ABLIM2: variants seen among roughly 807,000 people sequenced by gnomAD.
ABLIM2 encodes the protein actin-binding LIM protein 2.
In ABLIM2, 53 loss-of-function variants were observed where a neutral mutation model predicts 97.7. The ratio of observed to expected loss-of-function variants is 0.54; its 90% confidence interval spans 0.44 to 0.68. The LOEUF is 0.68. ABLIM2 is among the 30% of genes least tolerant of loss of function. ABLIM2 has a pLI of 0.00. For synonymous variants in ABLIM2, 361 were observed against 345.8 expected (o/e 1.04, Z -0.49); for missense variants, 835 against 867.2 (o/e 0.96, Z 0.47).
Position 8,046,978 on chromosome 4 carries a change from G to A in ABLIM2, c.823-1737C>T, listed in dbSNP as rs953322622. ...GGGAAGGTGGGTTTCTGCTGTGCAG[G>A]CCACCCAGGCCGGGTGCCTTTATCG... is the stretch of plus-strand genomic sequence containing the variant. On this transcript the variant is annotated intron_variant, in intron 8 of 20. Transcript: ENST00000447017. This position sits in a 1 kb window ranked among gnomAD's most constrained non-coding sequence, Gnocchi z 4.4. 6.6e-6 allele frequency among the ~76,000 whole-genome samples: 1 copy of A among 152,192 alleles called. No homozygotes were observed. Among genetic ancestry groups the A allele is most frequent in the Non-Finnish European group, 1.5e-5 (1 of 68,030 alleles).
At chr4:8,101,111 C>T (rs573429920) in intron 2 of ABLIM2, among the ~76,000 whole-genome samples, 20 of 152,326 alleles carry the variant, frequency 1.3e-4, no homozygotes, top group East Asian at 7.7e-4. Context: ...GAGTGGAAGA[C>T]GGAGATGCCA....
At chr4:7,978,226 G>A (rs765594702) in intron 20 of ABLIM2, among the ~76,000 whole-genome samples, 4 of 152,116 alleles carry the variant, frequency 2.6e-5, no homozygotes, top group South Asian at 2.1e-4. Flanking sequence ...ACAGGCAGCC[G>A]CTGCTGAGAA....
chr4:7,989,423 T>C lies in ABLIM2; in HGVS notation c.1680+3443A>G, dbSNP rs1034390799. The C allele has an allele frequency of 5.1e-6, 5 of 985,296 alleles. No homozygotes were observed. The African/African-American group carries it at 7.0e-5, about 14-fold the overall frequency. 61.0% of individuals were successfully genotyped at this position (985,296 alleles called of 1,614,324 possible). A position where few individuals can be genotyped will look rare whatever the true frequency, so the allele number is the denominator to read the frequency against. On this transcript the variant is annotated intron_variant, in intron 17 of 20. Transcript: ENST00000447017. ...AGAGTCATATTCAAATCACCCACCATACTTGTATTTAATCAAGGTGTCTGG... is the reference window on the plus strand; with the variant it reads ...AGAGTCATATTCAAATCACCCACCACACTTGTATTTAATCAAGGTGTCTGG...
rs375593203 is a variant in ABLIM2 at position 8,125,123 on chromosome 4, G to A, written c.11-18486C>T. 1.7e-4 allele frequency among the ~76,000 whole-genome samples: 26 copies of A among 152,164 alleles called. No individual in the cohort carries two copies. Among genetic ancestry groups the A allele is most frequent in the Admixed American group, 3.9e-4 (6 of 15,284 alleles). ...TTCGTATATTCGAGATACAAGTCCC[G>A]TGTCAGCTTGCTAATTTGCAAATAT... On this transcript the variant is annotated intron_variant, in intron 1 of 20. Transcript: ENST00000447017. The surrounding 1 kb of genome is among the most constrained non-coding windows in gnomAD (Gnocchi z 6.2).
intron 1 of ABLIM2, among the ~76,000 whole-genome samples, chr4:8,152,012 G>T (rs2152959042): frequency 6.6e-6 from 1 of 152,272 alleles, no homozygotes; most frequent in African/African-American, 2.4e-5. Flanking sequence ...GCGGGTTTGG[G>T]TCTTGTCCTG....
intron 2 of ABLIM2, among the ~76,000 whole-genome samples, chr4:8,099,357 A>G (rs1032895094): frequency 2.0e-5 from 3 of 152,106 alleles, no homozygotes; most frequent in African/African-American, 4.8e-5. Flanking sequence ...TATTCTTCTT[A>G]AAGACGTGAC....
intron 15 of ABLIM2, 93 bp downstream of exon 15, chr4:8,008,957 G>T: frequency 6.9e-7 from 1 of 1,449,002 alleles, no homozygotes. Flanking sequence ...GAATGTAAGA[G>T]GAAGATTCGA....
chr4:8,047,130 C>T (rs1476957804), intron 8 of ABLIM2, among the ~76,000 whole-genome samples: 5 of 152,198 alleles, frequency 3.3e-5, no homozygotes, highest in East Asian at 3.9e-4. Flanking sequence ...TGTGGGGCCA[C>T]GTGCAGCAGC....
chr4:8,116,677 C>T (rs1378374109), intron 1 of ABLIM2, among the ~76,000 whole-genome samples: 1 of 152,180 alleles, frequency 6.6e-6, no homozygotes. Context: ...GCCTTTGTTA[C>T]TGAATAGTTC....
intron 1 of ABLIM2, among the ~76,000 whole-genome samples, chr4:8,133,789 T>G (rs1849773670): frequency 6.6e-6 from 1 of 152,128 alleles, no homozygotes; most frequent in Non-Finnish European, 1.5e-5. Context: ...CCCTGAGGTG[T>G]CAACAGGGAG....
Position 8,149,311 on chromosome 4 carries a change from G to T in ABLIM2, c.10+9369C>A, listed in dbSNP as rs79811298. Among the ~76,000 whole-genome samples the T allele has an allele frequency of 6.6e-6, 1 of 152,142 alleles. No individual in the cohort carries two copies. Among genetic ancestry groups the T allele is most frequent in the Non-Finnish European group, 1.5e-5 (1 of 68,028 alleles). ...GTCGCATATGAACAGTCATTTTGCC[G>T]CATGAGGTCACATAGTCACAGGGCC... On this transcript the variant is annotated intron_variant, in intron 1 of 20. Coordinates refer to ENST00000447017, the MANE Select transcript of ABLIM2 (RefSeq NM_001130083.2). This position sits in a 1 kb window ranked among gnomAD's most constrained non-coding sequence, Gnocchi z 6.4.
chr4:8,073,915 T>C (rs1401289371), intron 6 of ABLIM2, among the ~76,000 whole-genome samples: 2 of 151,520 alleles, frequency 1.3e-5, no homozygotes, highest in African/African-American at 4.9e-5. Flanking sequence ...GGTGACATTC[T>C]ATCTCTACCA....
Position 8,120,060 on chromosome 4 carries a change from G to A in ABLIM2, c.11-13423C>T, listed in dbSNP as rs1178427376. 4.6e-5 allele frequency among the ~76,000 whole-genome samples: 7 copies of A among 152,156 alleles called. No homozygotes were observed. Among genetic ancestry groups the A allele is most frequent in the South Asian group, 2.1e-4 (1 of 4,822 alleles). ...CACAAATAGGCTCTGTTCACAGAGC[G>A]ACAGGCACAGACGTCGGGCGGCAGG... is the stretch of plus-strand genomic sequence containing the variant. On this transcript the variant is annotated intron_variant, in intron 1 of 20. Transcript: ENST00000447017. The surrounding 1 kb of genome is among the most constrained non-coding windows in gnomAD (Gnocchi z 5.6).
Position 8,071,214 on chromosome 4 carries a change from C to T in ABLIM2, c.675+6414G>A, listed in dbSNP as rs528785045. ...TGGCTCTGCCACAGTTGCTGCCAGG[C>T]GCCACCCACCTCTGCTGCCCCAGCC... On this transcript the variant is annotated intron_variant, in intron 6 of 20. Coordinates refer to ENST00000447017, the MANE Select transcript of ABLIM2 (RefSeq NM_001130083.2). The surrounding 1 kb of genome is among the most constrained non-coding windows in gnomAD (Gnocchi z 6.2). Among the ~76,000 whole-genome samples, 9 of 152,290 alleles carry T rather than the reference C, an allele frequency of 5.9e-5. No individual in the cohort carries two copies. The highest frequency in any genetic ancestry group is 1.9e-4 in the African/African-American group (8 of 41,560).
intron 7 of ABLIM2, among the ~76,000 whole-genome samples, chr4:8,057,574 G>A (rs6847028): frequency 0.033 from 4,953 of 152,260 alleles, 289 homozygotes; most frequent in African/African-American, 0.11. Flanking sequence ...AGAGGCCTGT[G>A]TCCTTGACTT....
chr4:8,026,683 G>T (rs1309605407), intron 12 of ABLIM2, among the ~76,000 whole-genome samples: 5 of 152,242 alleles, frequency 3.3e-5, no homozygotes, highest in African/African-American at 7.2e-5. Context: ...CAGTCAGCTG[G>T]GCTGTGTCAC....
chr4:8,121,069 G>A (rs1051450180), intron 1 of ABLIM2, among the ~76,000 whole-genome samples: 2 of 152,244 alleles, frequency 1.3e-5, no homozygotes, highest in Non-Finnish European at 2.9e-5. Context: ...CTGCAGGTGG[G>A]AAGAGCCAGA....
chr4:8,028,238 G>T (rs191254080), intron 11 of ABLIM2, among the ~76,000 whole-genome samples: 5 of 152,380 alleles, frequency 3.3e-5, no homozygotes, highest in Admixed American at 2.6e-4. Flanking sequence ...CCGGCGAGAT[G>T]CAAGCTTGGC....
chr4:8,079,103 C>T (rs1016828279), intron 5 of ABLIM2, among the ~76,000 whole-genome samples: 4 of 152,220 alleles, frequency 2.6e-5, no homozygotes, highest in Non-Finnish European at 4.4e-5. Flanking sequence ...TCTCTGGCTG[C>T]GGCCTGGAAG....
Sources: gnomAD v4.1 joint callset for allele counts (sites outside exome capture counted in the v4.1 genomes callset) on GRCh38, gnomAD v4.1.1 for gene constraint, Gnocchi (gnomAD v3.1) non-coding constraint, MANE v1.5 for transcripts, NCBI Gene and HGNC (gene_info 2026-07-23, HGNC 2026-07-21) for gene names.